The following TMX2 variants were observed in gnomAD, a reference collection of about 807,000 sequenced individuals.
TMX2 encodes thioredoxin-related transmembrane protein 2.
Under a neutral mutation model 33.4 loss-of-function variants are expected in TMX2, and 20 were observed. That is an observed-to-expected ratio of 0.60 (90% CI 0.42 to 0.87). The LOEUF is 0.87. Ranked by LOEUF, TMX2 falls within the 40% of genes least tolerant of loss-of-function variation. TMX2 has a pLI of 0.00. For synonymous variants in TMX2, 166 were observed against 140.7 expected (o/e 1.18, Z -1.27); for missense variants, 340 against 370.7 (o/e 0.92, Z 0.68).
chr11:57,731,138 T>TTTTTTG (rs1948372802), intron 1 of TMX2, among the ~76,000 whole-genome samples: 1 of 139,214 alleles, frequency 7.2e-6, no homozygotes, highest in Non-Finnish European at 1.5e-5. Flanking sequence ...TTTTTTTTTT[T>TTTTTTG]TTTTTTTTTT....
chr11:57,718,546 G>T, intron 1 of TMX2: 1 of 664,936 alleles, frequency 1.5e-6, no homozygotes, highest in East Asian at 3.0e-5. Flanking sequence ...ATAGTACAGG[G>T]CTCCTGGTGG....
intron 1 of TMX2, among the ~76,000 whole-genome samples, chr11:57,713,828 G>A (rs1946798323): frequency 6.6e-6 from 1 of 152,150 alleles, no homozygotes; most frequent in East Asian, 1.9e-4. Context: ...AACATACAGT[G>A]GCCTGGGACA....
intron 1 of TMX2, among the ~76,000 whole-genome samples, chr11:57,734,918 A>ATACC: frequency 2.0e-5 from 3 of 150,630 alleles, no homozygotes; most frequent in South Asian, 2.1e-4. Flanking sequence ...GGCAGATCAC[A>ATACC]AGGCCAAGAG....
At chr11:57,738,631 A>C (rs375569800) in intron 4 of TMX2, 33 bp from the exon 5 acceptor site, 2 of 1,581,862 alleles carry the variant, frequency 1.3e-6, no homozygotes, top group African/African-American at 1.3e-5. Context: ...GGCTATGTGG[A>C]TCCAGCTGAC....
chr11:57,721,786 G>A (rs959876670), intron 1 of TMX2, among the ~76,000 whole-genome samples: 2 of 152,034 alleles, frequency 1.3e-5, no homozygotes, highest in Admixed American at 1.3e-4. Context: ...AAAGACTCTT[G>A]TTTTCATAGA....
chr11:57,720,858 C>T (rs1947582116), intron 1 of TMX2, among the ~76,000 whole-genome samples: 1 of 152,186 alleles, frequency 6.6e-6, no homozygotes, highest in African/African-American at 2.4e-5. Flanking sequence ...TTTGCAGGCC[C>T]TTCAGGGGAT....
chr11:57,719,290 C>T (rs1947408772), intron 1 of TMX2, among the ~76,000 whole-genome samples: 1 of 151,620 alleles, frequency 6.6e-6, no homozygotes, highest in Non-Finnish European at 1.5e-5. Context: ...CTGCCTCGGC[C>T]TCCCAAAGTG....
intron 1 of TMX2, among the ~76,000 whole-genome samples, chr11:57,715,781 ATTCTTAACGAGCATGC>A (rs1225023313): frequency 6.6e-6 from 1 of 151,016 alleles, no homozygotes; most frequent in Non-Finnish European, 1.5e-5. Context: ...AGTGGTGATG[ATTCTTAACGAGCATGC>A]TGCCTTCAAG....
At chr11:57,730,963 A>AT (rs1200572695) in intron 1 of TMX2, among the ~76,000 whole-genome samples, 6 of 134,808 alleles carry the variant, frequency 4.5e-5, no homozygotes, top group Non-Finnish European at 7.9e-5. Context: ...AGTCTTTAAT[A>AT]TTTAAAAAAT....
Position 57,738,776 on chromosome 11 carries a change from T to C in TMX2, c.548+6T>C. ...TATGCTGACCTCTCCCTTAAGTGAG[T>C]AGTGCAAAGGGAGGGATGGTGGAAA... On this transcript the variant is annotated splice_donor_region_variant and intron_variant, in intron 5 of 7. Transcript: ENST00000278422. 1 of 1,607,802 alleles carries C rather than the reference T, an allele frequency of 6.2e-7. No individual in the cohort carries two copies. Among genetic ancestry groups the C allele is most frequent in the African/African-American group, 1.3e-5 (1 of 74,872 alleles).
At chr11:57,724,910 C>T (rs942292896) in intron 1 of TMX2, among the ~76,000 whole-genome samples, 2 of 151,640 alleles carry the variant, frequency 1.3e-5, no homozygotes, top group Non-Finnish European at 1.5e-5. Context: ...CGGTGGCAGG[C>T]GCCTGTAATC....
At chr11:57,719,517 T>TA (rs1947437239) in intron 1 of TMX2, among the ~76,000 whole-genome samples, 1 of 129,764 alleles carries the variant, frequency 7.7e-6, no homozygotes, top group African/African-American at 2.9e-5. Flanking sequence ...TCTTTGTCTT[T>TA]TTTTTTTTTT....
chr11:57,712,656 C>T lies in TMX2; in HGVS notation c.38C>T (p.Ser13Leu), dbSNP rs542858051. 3 of 1,614,020 alleles carry T rather than the reference C, an allele frequency of 1.9e-6. No homozygotes were observed. The African/African-American group carries it at 4.0e-5, about 22-fold the overall frequency. Residue 13 changes from serine to leucine, a missense_variant, in exon 1 of 8, where the codon TCG becomes TTG. Ser to Leu is a moderately radical substitution (Grantham distance 145). This residue lies in a region of TMX2 where 106 missense variants were observed against 82.7 expected (regional missense o/e 1.28). Transcript: ENST00000278422. The part of the protein sequence containing the change: ...VLAPLIALVY[S>L]VPRLSRWLAQ... ...GCACCTCTAATTGCTCTCGTGTATT[C>T]GGTGCCGCGACTTTCACGATGGCTC...
intron 1 of TMX2, among the ~76,000 whole-genome samples, chr11:57,716,559 G>A (rs1947070078): frequency 7.8e-6 from 1 of 128,392 alleles, no homozygotes; most frequent in Non-Finnish European, 1.7e-5. Flanking sequence ...GCGGCTGGCC[G>A]GGCGGGGGGC....
At chr11:57,731,125 G>GTTTTTT (rs757832822) in intron 1 of TMX2, among the ~76,000 whole-genome samples, 15 of 85,856 alleles carry the variant, frequency 1.7e-4, no homozygotes, top group African/African-American at 5.5e-4. Context: ...TTTGTTTTTT[G>GTTTTTT]TTTTTTTTTT....
At chr11:57,731,288 T>C (rs1948386375) in intron 1 of TMX2, among the ~76,000 whole-genome samples, 1 of 151,576 alleles carries the variant, frequency 6.6e-6, no homozygotes, top group South Asian at 2.1e-4. Context: ...CATGCGCCAC[T>C]GCACCCAGCT....
At chr11:57,723,053 G>A (rs1947739713) in intron 1 of TMX2, among the ~76,000 whole-genome samples, 1 of 152,200 alleles carries the variant, frequency 6.6e-6, no homozygotes, top group African/African-American at 2.4e-5. Flanking sequence ...AGAGGTTGCA[G>A]TGAGCTGAGA....
intron 1 of TMX2, among the ~76,000 whole-genome samples, chr11:57,731,126 T>G (rs1311774986): frequency 2.2e-4 from 1 of 4,556 alleles, no homozygotes; most frequent in African/African-American, 3.3e-4. Flanking sequence ...TTGTTTTTTG[T>G]TTTTTTTTTT....
chr11:57,740,488 A>C lies in TMX2; in HGVS notation c.*243A>C. 2.3e-6 allele frequency: 1 copy of C among 437,034 alleles called. No homozygotes were observed. The highest frequency in any genetic ancestry group is 4.0e-6 in the Non-Finnish European group (1 of 247,350). 27.1% of individuals were successfully genotyped at this position (437,034 alleles called of 1,614,324 possible). ...GAGATCTCATAGGACGGAGGGGGAA[A>C]TGGTTTCCCTCCAAGCTTGGGTCAG... On this transcript the variant is annotated 3_prime_UTR_variant, in exon 8 of 8. Transcript: ENST00000278422.
Sources: allele counts gnomAD v4.1 joint callset (sites outside exome capture counted in the v4.1 genomes callset), GRCh38; gene constraint gnomAD v4.1.1; regional missense constraint gnomAD v4.1.1; transcripts MANE v1.5; gene names NCBI Gene and HGNC (gene_info 2026-07-23, HGNC 2026-07-21).